The following CYRIA variants were observed in gnomAD, a reference collection of about 807,000 sequenced individuals.
CYRIA encodes the protein CYFIP-related Rac1 interactor A.
CYRIA carries 15 observed loss-of-function variants against 43.9 expected under a neutral mutation model. The ratio of observed to expected loss-of-function variants is 0.34; its 90% confidence interval spans 0.23 to 0.53. The LOEUF (loss-of-function observed/expected upper bound fraction) is 0.53, where lower values mean the gene tolerates loss of function less well. CYRIA is among the 20% of genes least tolerant of loss of function. The pLI is 0.94. For missense variants in CYRIA, 236 were observed against 394.2 expected, an observed-to-expected ratio of 0.60 and a Z score of 3.40; for synonymous variants, 117 against 136.0, an observed-to-expected ratio of 0.86 and a Z score of 0.97.
At chr2:16,655,626 G>A (rs962620565) in intron 1 of CYRIA, among the ~76,000 whole-genome samples, 1 of 152,216 alleles carries the variant, frequency 6.6e-6, no homozygotes, top group Admixed American at 6.5e-5. Flanking sequence ...AGTTGTAAAT[G>A]TGCGGCAACT....
intron 1 of CYRIA, among the ~76,000 whole-genome samples, chr2:16,632,818 T>C (rs553430289): frequency 6.6e-6 from 1 of 152,032 alleles, no homozygotes; most frequent in African/African-American, 2.4e-5. Context: ...CTCCAGACAA[T>C]AGCACAGCTG....
At chr2:16,621,832 T>G (rs1473338512) in intron 2 of CYRIA, among the ~76,000 whole-genome samples, 1 of 152,216 alleles carries the variant, frequency 6.6e-6, no homozygotes, top group Non-Finnish European at 1.5e-5. Flanking sequence ...TCTGCTTTAT[T>G]TTTTTCATAG....
rs751427876 is a variant in CYRIA, at chr2:16,588,143, C to T, written c.-10-14G>A. On this transcript the variant is annotated splice_polypyrimidine_tract_variant and intron_variant, in intron 2 of 11. Transcript: ENST00000381323. ...ATCCCAGCAAACCTAGGAAAGGCAA[C>T]ACAAAACCAAATACCATTAGCAACA... 7.7e-6 allele frequency: 12 copies of T among 1,561,124 alleles called. No homozygotes were observed. The highest frequency in any genetic ancestry group is 4.6e-5 in the South Asian group (4 of 86,620).
chr2:16,660,341 TTC>T (rs1355417888), intron 1 of CYRIA, among the ~76,000 whole-genome samples: 4 of 152,312 alleles, frequency 2.6e-5, no homozygotes, highest in African/African-American at 9.6e-5. Flanking sequence ...ACAAGCGTGT[TTC>T]TGTTTCGTGC....
intron 2 of CYRIA, among the ~76,000 whole-genome samples, chr2:16,604,326 G>A (rs1010263584): frequency 6.6e-6 from 1 of 152,222 alleles, no homozygotes; most frequent in Non-Finnish European, 1.5e-5. Context: ...CAGCCAGGGC[G>A]GCCACTGTTG....
rs868184603 is a variant in CYRIA, at chr2:16,562,043, C to T, written c.397G>A (p.Glu133Lys). Reference protein sequence around the residue: ...REQALAKEFAEILHFTLRFDE... With the variant: ...REQALAKEFAKILHFTLRFDE... The stretch of plus-strand genomic sequence containing the variant: ...AATCGAAGGGTAAAATGTAAAATTT[C>T]GGCAAACTCCTTTGCCAGGGCCTGT... The change falls in exon 6 of 12, where the codon GAA becomes AAA. Residue 133 changes from glutamate to lysine, a missense_variant. This residue lies in a region of CYRIA where 193 missense variants were observed against 303.9 expected (regional missense o/e 0.64). Transcript: ENST00000381323. The T allele has an allele frequency of 1.4e-5, 23 of 1,613,448 alleles. No homozygotes were observed. Among genetic ancestry groups the T allele is most frequent in the Admixed American group, 5.0e-5 (3 of 59,930 alleles).
At chr2:16,615,080 C>G (rs976278295) in intron 2 of CYRIA, among the ~76,000 whole-genome samples, 1 of 152,148 alleles carries the variant, frequency 6.6e-6, no homozygotes, top group Admixed American at 6.5e-5. Context: ...TACAAAATGG[C>G]TTATTGTTTT....
intron 1 of CYRIA, among the ~76,000 whole-genome samples, chr2:16,626,691 G>T (rs377521850): frequency 6.6e-6 from 1 of 152,170 alleles, no homozygotes; most frequent in East Asian, 1.9e-4. Context: ...AGAGAGCAAG[G>T]GGGGAAAGAA....
At chr2:16,614,700 G>T (rs944962588) in intron 2 of CYRIA, among the ~76,000 whole-genome samples, 2 of 152,124 alleles carry the variant, frequency 1.3e-5, no homozygotes, top group African/African-American at 2.4e-5. Flanking sequence ...ATAATCTCAG[G>T]TCCTCTGGTA....
chr2:16,633,548 T>C (rs1269182624), intron 1 of CYRIA, among the ~76,000 whole-genome samples: 2 of 77,032 alleles, frequency 2.6e-5, no homozygotes, highest in Non-Finnish European at 4.3e-5. Context: ...CCTGGCTTTT[T>C]TTTTTTTTTT....
intron 1 of CYRIA, among the ~76,000 whole-genome samples, chr2:16,641,778 G>A (rs768197574): frequency 6.6e-6 from 1 of 152,192 alleles, no homozygotes; most frequent in Non-Finnish European, 1.5e-5. Context: ...ATGCCATGAT[G>A]GCATGCAAAG....
intron 1 of CYRIA, among the ~76,000 whole-genome samples, chr2:16,654,668 T>C (rs1670059419): frequency 6.6e-6 from 1 of 152,210 alleles, no homozygotes; most frequent in South Asian, 2.1e-4. Flanking sequence ...AGCTTCATTG[T>C]CTTTATCTTT....
chr2:16,554,959 G>A, intron 11 of CYRIA, 110 bp downstream of exon 11: 1 of 696,184 alleles, frequency 1.4e-6, no homozygotes, highest in Non-Finnish European at 2.4e-6. Flanking sequence ...GATTCAATGT[G>A]TTAAAATATG....
chr2:16,612,316 A>G (rs1208506739), intron 2 of CYRIA, among the ~76,000 whole-genome samples: 4 of 151,748 alleles, frequency 2.6e-5, no homozygotes, highest in Non-Finnish European at 5.9e-5. Flanking sequence ...GGGAGGGGGG[A>G]AAAGGGTGAG....
At chr2:16,566,634 C>T (rs143122951) in intron 3 of CYRIA, among the ~76,000 whole-genome samples, 5 of 152,134 alleles carry the variant, frequency 3.3e-5, no homozygotes, top group Non-Finnish European at 7.4e-5. Context: ...ACAAGTGACA[C>T]ACTGAAGCTT....
chr2:16,627,920 G>A (rs879262191), intron 1 of CYRIA, among the ~76,000 whole-genome samples: 4 of 152,194 alleles, frequency 2.6e-5, no homozygotes, highest in Non-Finnish European at 4.4e-5. Context: ...GGGTGGAGGG[G>A]ATGATGCCTT....
intron 2 of CYRIA, among the ~76,000 whole-genome samples, chr2:16,601,711 C>CAAAA (rs57235858): frequency 0.031 from 3,846 of 123,604 alleles, 160 homozygotes; most frequent in South Asian, 0.09. Context: ...TTTCCAGTTT[C>CAAAA]AAAAAAAAAA....
Position 16,565,760 on chromosome 2 carries a change from C to T in CYRIA, c.78G>A (p.Gln26=). 1 of 1,570,712 alleles carries T rather than the reference C, an allele frequency of 6.4e-7. No homozygotes were observed. The highest frequency in any genetic ancestry group is 1.1e-5 in the South Asian group (1 of 87,382). Residue 26 remains glutamine, a synonymous_variant, in exon 4 of 12, where the codon CAG becomes CAA. Coordinates refer to ENST00000381323, the MANE Select transcript of CYRIA (RefSeq NM_030797.4). ...PHFFLDFENA[Q]PTEGEREIWN... is the part of the protein sequence containing the mutation. ...AGATTTCTCTCTCTCCTTCTGTAGGCTGAGCATCTAAGAAACAGGGAAACC... is the reference window on the plus strand; with the variant it reads ...AGATTTCTCTCTCTCCTTCTGTAGGTTGAGCATCTAAGAAACAGGGAAACC...
In CYRIA at chr2:16,552,370, G is replaced by T. The variant is rs1666348103; in HGVS notation, c.*566C>A. ...AGGGATATAAATCCAAACAGAAAAG[G>T]AGTATGCTGATTAATAAAACACGTG... is the stretch of plus-strand genomic sequence containing the variant. On this transcript the variant is annotated 3_prime_UTR_variant, in exon 12 of 12. Coordinates refer to ENST00000381323, the MANE Select transcript of CYRIA (RefSeq NM_030797.4). 6.6e-6 allele frequency: 1 copy of T among 152,192 alleles called. No individual in the cohort carries two copies. Among genetic ancestry groups the T allele is most frequent in the South Asian group, 2.1e-4 (1 of 4,838 alleles). The allele number at this position is 152,192 out of a possible 1,614,324, so 9.4% of individuals were successfully genotyped here.
Sources: allele counts gnomAD v4.1 joint callset (sites outside exome capture counted in the v4.1 genomes callset), GRCh38; gene constraint gnomAD v4.1.1; regional missense constraint gnomAD v4.1.1; transcripts MANE v1.5; gene names NCBI Gene and HGNC (gene_info 2026-07-23, HGNC 2026-07-21).